The following MFHAS1 variants were observed in gnomAD, a reference collection of about 807,000 sequenced individuals.
MFHAS1 encodes the protein multifunctional ROCO family signaling regulator 1.
MFHAS1 carries 50 observed loss-of-function variants against 70.4 expected under a neutral mutation model. That is an observed-to-expected ratio of 0.71 (90% CI 0.57 to 0.90). MFHAS1 has a LOEUF of 0.90. Among genes scored for constraint, MFHAS1 ranks in the 40% least tolerant of loss-of-function variants. MFHAS1 has a pLI of 0.00. For missense variants in MFHAS1, 1,795 were observed against 1,347.6 expected (o/e 1.33, Z -5.20); for synonymous variants, 952 against 620.0 (o/e 1.54, Z -7.96).
At chr8:8,797,845 G>A (rs3748142) in intron 1 of MFHAS1, among the ~76,000 whole-genome samples, 20,763 of 152,132 alleles carry the variant, frequency 0.14, 1,865 homozygotes, top group Non-Finnish European at 0.2. Context: ...AGAGCCCACC[G>A]AAGCAAGGGC....
intron 1 of MFHAS1, among the ~76,000 whole-genome samples, chr8:8,863,291 T>C (rs1255420359): frequency 6.6e-6 from 1 of 152,198 alleles, no homozygotes; most frequent in African/African-American, 2.4e-5. Context: ...TTTTAAATAA[T>C]TTAATAACTG....
At position 8,840,519 on chromosome 8, in the gene MFHAS1, T is replaced by C. The variant is rs117913874; in HGVS notation, c.2999-43028A>G. 2.0e-4 allele frequency among the ~76,000 whole-genome samples: 30 copies of C among 149,778 alleles called. No homozygotes were observed. The East Asian group carries it at 5.9e-3, about 29-fold the overall frequency. On this transcript the variant is annotated intron_variant, in intron 1 of 2. Transcript: ENST00000276282. The stretch of plus-strand genomic sequence containing the variant: ...TACCATCTGGAACATCTTGTTCAAA[T>C]CTCAAGGACTTGGCAGCCATGATGG...
intron 2 of MFHAS1, among the ~76,000 whole-genome samples, chr8:8,789,377 T>A (rs1399925789): frequency 6.6e-6 from 1 of 152,016 alleles, no homozygotes; most frequent in Non-Finnish European, 1.5e-5. Context: ...AGGAAGGCAA[T>A]AAATTCAGCT....
rs1384725857 is a variant in MFHAS1 at position 8,882,378 on chromosome 8, G to C, written c.2998+7683C>G. Among the ~76,000 whole-genome samples the C allele has an allele frequency of 3.3e-5, 5 of 151,880 alleles. No individual in the cohort carries two copies. The South Asian group carries it at 1.0e-3, about 32-fold the overall frequency. ...GCACTCCAGCCTGGAGACAGAGCGA[G>C]ACTCAGTCTCAAAACAAACAAACAA... On this transcript the variant is annotated intron_variant, in intron 1 of 2. Transcript: ENST00000276282.
chr8:8,882,184 C>A (rs1386965894), intron 1 of MFHAS1, among the ~76,000 whole-genome samples: 5 of 152,058 alleles, frequency 3.3e-5, no homozygotes, highest in Non-Finnish European at 5.9e-5. Flanking sequence ...AGTTCGAGAC[C>A]AGCCTCACTA....
At chr8:8,888,034 C>A (rs541097194) in intron 1 of MFHAS1, among the ~76,000 whole-genome samples, 2 of 152,228 alleles carry the variant, frequency 1.3e-5, no homozygotes, top group South Asian at 2.1e-4. Flanking sequence ...CCTGTAAATG[C>A]GTAACTCCCA....
intron 1 of MFHAS1, among the ~76,000 whole-genome samples, chr8:8,872,465 C>G (rs760318604): frequency 1.3e-5 from 2 of 152,310 alleles, no homozygotes; most frequent in Admixed American, 6.5e-5. Context: ...CAGTTTATCA[C>G]TTCCTGGAAA....
intron 1 of MFHAS1, among the ~76,000 whole-genome samples, chr8:8,849,064 C>CTTTTTTTTTTTTTTTTTTTT (rs145250762): frequency 4.0e-5 from 3 of 75,772 alleles, no homozygotes; most frequent in Admixed American, 2.2e-4. Context: ...TCCTTTTTAC[C>CTTTTTTTTTTTTTTTTTTTT]TTTTTTTTTT....
At chr8:8,788,724 A>T (rs1000797414) in intron 2 of MFHAS1, among the ~76,000 whole-genome samples, 1 of 152,254 alleles carries the variant, frequency 6.6e-6, no homozygotes, top group Non-Finnish European at 1.5e-5. Context: ...GAACAGAGTG[A>T]CTGGTTACAG....
At chr8:8,875,571 C>A (rs1407944300) in intron 1 of MFHAS1, among the ~76,000 whole-genome samples, 2 of 151,990 alleles carry the variant, frequency 1.3e-5, no homozygotes, top group Non-Finnish European at 2.9e-5. Context: ...CCATGAGAAA[C>A]TTTTTTTTCT....
Position 8,796,967 on chromosome 8 carries a change from G to A in MFHAS1, c.3125+398C>T, listed in dbSNP as rs529370807. Among the ~76,000 whole-genome samples the A allele has an allele frequency of 2.0e-5, 3 of 152,096 alleles. No homozygotes were observed. The South Asian group carries it at 6.2e-4, about 31-fold the overall frequency. On this transcript the variant is annotated intron_variant, in intron 2 of 2. Transcript: ENST00000276282. ...GCCGAGATCGCACCACTGCACTCCA[G>A]CCTGGGTGACAGAGCGAGACTCCAT...
chr8:8,859,286 G>C (rs1174627590), intron 1 of MFHAS1, among the ~76,000 whole-genome samples: 1 of 152,210 alleles, frequency 6.6e-6, no homozygotes, highest in Non-Finnish European at 1.5e-5. Flanking sequence ...GGAAGTTGTA[G>C]TGAGCCAAGA....
At chr8:8,817,141 T>C (rs1243260665) in intron 1 of MFHAS1, among the ~76,000 whole-genome samples, 3 of 152,114 alleles carry the variant, frequency 2.0e-5, no homozygotes, top group Non-Finnish European at 4.4e-5. Context: ...CTCCGAAAAC[T>C]AGCTCCAAAG....
At chr8:8,835,310 G>A (rs1428911313) in intron 1 of MFHAS1, among the ~76,000 whole-genome samples, 2 of 152,046 alleles carry the variant, frequency 1.3e-5, no homozygotes, top group Non-Finnish European at 2.9e-5. Context: ...AGTTTATTTA[G>A]AAATTAAATA....
intron 1 of MFHAS1, among the ~76,000 whole-genome samples, chr8:8,811,312 ATT>A (rs72584154): frequency 6.7e-6 from 1 of 148,216 alleles, no homozygotes. Context: ...CAGAATAAAA[ATT>A]TTTTTTTTTT....
At chr8:8,859,051 G>A (rs1333265692) in intron 1 of MFHAS1, among the ~76,000 whole-genome samples, 1 of 152,148 alleles carries the variant, frequency 6.6e-6, no homozygotes, top group Non-Finnish European at 1.5e-5. Context: ...AAAAATGCTT[G>A]GTTAAACAAA....
At chr8:8,878,435 C>G (rs917286797) in intron 1 of MFHAS1, among the ~76,000 whole-genome samples, 7 of 152,158 alleles carry the variant, frequency 4.6e-5, no homozygotes, top group African/African-American at 1.7e-4. Flanking sequence ...AGGCACTTAG[C>G]ACTGTCTCTG....
rs761940842 is a variant in MFHAS1, at chr8:8,892,247, C to G, written c.812G>C (p.Cys271Ser). Residue 271 changes from cysteine to serine, a missense_variant, in exon 1 of 3, where the codon TGC becomes TCC. By Grantham distance (112) the Cys-to-Ser change is moderately radical. Coordinates refer to ENST00000276282, the MANE Select transcript of MFHAS1 (RefSeq NM_004225.3). This position sits in a 1 kb window ranked among gnomAD's most constrained non-coding sequence, Gnocchi z 4.7. ...GLQALPAQFS[C>S]LQRLKMLNLS... ...GTTGAGCATTTTGAGCCGCTGCAGGCAGCTGAACTGGGCGGGCAGAGCCTG... is the reference window on the plus strand; with the variant it reads ...GTTGAGCATTTTGAGCCGCTGCAGGGAGCTGAACTGGGCGGGCAGAGCCTG... 7 of 1,611,824 alleles carry G rather than the reference C, an allele frequency of 4.3e-6. No individual in the cohort carries two copies. In the African/African-American group the frequency reaches 9.3e-5, roughly 22 times the overall value.
chr8:8,845,017 G>A lies in MFHAS1; in HGVS notation c.2998+45044C>T, dbSNP rs186250361. 3.9e-5 allele frequency among the ~76,000 whole-genome samples: 6 copies of A among 152,292 alleles called. No individual in the cohort carries two copies. In the East Asian group the frequency reaches 7.7e-4, roughly 20 times the overall value. ...AGAATTCATTTTTGTTGGAGTAAGA[G>A]GAAAACTAAGAAGACCTATAAAATG... On this transcript the variant is annotated intron_variant, in intron 1 of 2. Coordinates refer to ENST00000276282, the MANE Select transcript of MFHAS1 (RefSeq NM_004225.3).
Sources: allele counts gnomAD v4.1 joint callset (sites outside exome capture counted in the v4.1 genomes callset), GRCh38; gene constraint gnomAD v4.1.1; non-coding constraint Gnocchi (gnomAD v3.1); transcripts MANE v1.5; gene names NCBI Gene and HGNC (gene_info 2026-07-23, HGNC 2026-07-21).